RNF114: variants seen among roughly 807,000 people sequenced by gnomAD.
The protein encoded by RNF114 is ring finger protein 114, also known as E3 ubiquitin-protein ligase RNF114.
A neutral mutation model predicts 28.4 loss-of-function variants in RNF114; 6 were observed. The observed-to-expected ratio is 0.21, with a 90% CI of 0.12 to 0.42. RNF114 has a LOEUF of 0.42. RNF114 is among the 10% of genes least tolerant of loss of function. The pLI, the probability that RNF114 is intolerant of heterozygous loss-of-function variation, is 1.00. For synonymous variants in RNF114, 115 were observed against 116.7 expected (o/e 0.99, Z 0.09); for missense variants, 249 against 311.7 (o/e 0.80, Z 1.51).
At chr20:49,938,995 C>T (rs759774273) in intron 1 of RNF114, among the ~76,000 whole-genome samples, 7 of 152,164 alleles carry the variant, frequency 4.6e-5, no homozygotes, top group Non-Finnish European at 1.0e-4. Flanking sequence ...CATGGTCTAC[C>T]GCATCATGGC....
At chr20:49,951,789 G>GA (rs1398316665) in intron 5 of RNF114, among the ~76,000 whole-genome samples, 1 of 152,206 alleles carries the variant, frequency 6.6e-6, no homozygotes, top group African/African-American at 2.4e-5. Flanking sequence ...TGAGGCAGGA[G>GA]AATCACTTGA....
chr20:49,951,994 C>G, intron 5 of RNF114, 82 bp from the exon 6 acceptor site: 1 of 1,210,746 alleles, frequency 8.3e-7, no homozygotes, highest in African/African-American at 1.5e-5. Flanking sequence ...GATCCAGTTG[C>G]TAGGCTGTCC....
At chr20:49,951,941 C>G (rs2090356716) in intron 5 of RNF114, 135 bp from the exon 6 acceptor site, 2 of 639,800 alleles carry the variant, frequency 3.1e-6, no homozygotes, top group South Asian at 3.5e-5. Flanking sequence ...CCTAGCATCA[C>G]AAACAGTTGC....
chr20:49,947,226 C>T (rs867408851), intron 4 of RNF114, among the ~76,000 whole-genome samples: 2 of 50,250 alleles, frequency 4.0e-5, no homozygotes, highest in Admixed American at 1.7e-4. Flanking sequence ...CCCCCCCCCC[C>T]CCCCCCCCCC....
At chr20:49,950,047 C>T (rs1000052460) in intron 5 of RNF114, among the ~76,000 whole-genome samples, 16 of 151,542 alleles carry the variant, frequency 1.1e-4, no homozygotes, top group African/African-American at 1.9e-4. Context: ...GTCGGGGGTT[C>T]GAGACCAGCC....
intron 4 of RNF114, among the ~76,000 whole-genome samples, chr20:49,947,796 T>G (rs1468287251): frequency 8.7e-5 from 9 of 103,666 alleles, no homozygotes; most frequent in African/African-American, 3.5e-4. Context: ...TTTTTTTTTT[T>G]TTTTTTTTTT....
intron 2 of RNF114, among the ~76,000 whole-genome samples, chr20:49,942,756 A>G (rs1462000516): frequency 6.6e-6 from 1 of 151,960 alleles, no homozygotes; most frequent in Non-Finnish European, 1.5e-5. Context: ...CCCAGGAGGC[A>G]GAGGTTGCAG....
intron 1 of RNF114, among the ~76,000 whole-genome samples, chr20:49,939,883 C>T (rs1250546445): frequency 3.3e-5 from 5 of 151,718 alleles, no homozygotes; most frequent in Admixed American, 2.6e-4. Flanking sequence ...GGTGAAACCC[C>T]GTCTCTACTA....
chr20:49,936,676 C>G (rs1031450039), intron 1 of RNF114, 124 bp downstream of exon 1: 8 of 1,232,364 alleles, frequency 6.5e-6, no homozygotes, highest in African/African-American at 1.6e-5. Flanking sequence ...CGGGGGTGTC[C>G]CCCGGGGCTC....
At chr20:49,943,292 C>T (rs565226717) in intron 2 of RNF114, among the ~76,000 whole-genome samples, 1 of 152,006 alleles carries the variant, frequency 6.6e-6, no homozygotes, top group Non-Finnish European at 1.5e-5. Flanking sequence ...CCCAGGAGTT[C>T]GAAATCAGCC....
rs764103217 is a variant in RNF114 at position 49,936,462 on chromosome 20, C to T, written c.50C>T (p.Pro17Leu). Residue 17 changes from proline (P) to leucine (L), a missense_variant, in exon 1 of 6, where the codon CCG (proline) becomes CTG (leucine). Physicochemically the swap from Pro to Leu is moderately conservative, Grantham distance 98 (BLOSUM62 -3). Transcript: ENST00000244061. ...DCGGAAQLAG[P>L]AAEADPLGRF... ...GGGGGTGCTGCGCAGCTGGCGGGGC[C>T]GGCGGCGGAGGCTGACCCCCTAGGA... 3.9e-5 allele frequency: 60 copies of T among 1,549,718 alleles called. No homozygotes were observed. Among genetic ancestry groups the T allele is most frequent in the Admixed American group, 7.9e-5 (4 of 50,780 alleles).
chr20:49,947,624 A>G (rs1197830953), intron 4 of RNF114, among the ~76,000 whole-genome samples: 3 of 151,874 alleles, frequency 2.0e-5, no homozygotes, highest in Admixed American at 2.0e-4. Context: ...GGATACTGTT[A>G]TTGCTGAACT....
At chr20:49,938,400 A>C (rs946038614) in intron 1 of RNF114, among the ~76,000 whole-genome samples, 3 of 152,210 alleles carry the variant, frequency 2.0e-5, no homozygotes, top group Non-Finnish European at 2.9e-5. Flanking sequence ...CACCTCTGTG[A>C]GGGCAGCCCA....
intron 1 of RNF114, 63 bp downstream of exon 1, chr20:49,936,615 G>C (rs940234165): frequency 6.5e-7 from 1 of 1,548,166 alleles, no homozygotes; most frequent in South Asian, 1.2e-5. Context: ...GAGCCGAGGA[G>C]CGAGATGGGT....
chr20:49,949,458 C>T (rs942624451), intron 5 of RNF114, 103 bp downstream of exon 5: 9 of 967,456 alleles, frequency 9.3e-6, no homozygotes, highest in East Asian at 2.5e-5. Context: ...TGAACTTTGT[C>T]GCTGTTGTGA....
rs140686614 is a variant in RNF114, at chr20:49,945,696, C to T, written c.398+208C>T. ...TTTTTTCTTTTTTGAGACAGAGTCT[C>T]GCTCTGTTGCCCAGGCTGGTGTGCA... On this transcript the variant is annotated intron_variant, in intron 3 of 5. Transcript: ENST00000244061. 2.0e-3 allele frequency among the ~76,000 whole-genome samples: 299 copies of T among 152,240 alleles called. 2 individuals carry two copies. The highest frequency in any genetic ancestry group is 6.7e-3 in the African/African-American group (279 of 41,536).
At position 49,945,301 on chromosome 20, in the gene RNF114, C is replaced by T. The variant is rs535707456; in HGVS notation, c.292-81C>T. Reference sequence around the variant, plus strand: ...GCCAGGGTGGTGTAGGTCTAGTTTTCTTTGTGCCCTTGTTTGGGACTATAT... The same window carrying T: ...GCCAGGGTGGTGTAGGTCTAGTTTTTTTTGTGCCCTTGTTTGGGACTATAT... On this transcript the variant is annotated intron_variant, in intron 2 of 5. Transcript: ENST00000244061. 4.4e-4 allele frequency: 358 copies of T among 818,294 alleles called. 3 individuals carry two copies. Among genetic ancestry groups the T allele is most frequent in the Non-Finnish European group, 6.6e-4 (317 of 479,378 alleles). 50.7% of individuals were successfully genotyped at this position (818,294 alleles called of 1,614,324 possible).
intron 4 of RNF114, among the ~76,000 whole-genome samples, chr20:49,947,933 A>AGGTGCGCGCCACCATG (rs2090340617): frequency 6.6e-6 from 1 of 151,422 alleles, no homozygotes; most frequent in East Asian, 1.9e-4. Context: ...CTGGGACTAC[A>AGGTGCGCGCCACCATG]GGTGCGCGCC....
intron 3 of RNF114, among the ~76,000 whole-genome samples, chr20:49,945,909 G>C (rs2294599): frequency 0.35 from 53,267 of 152,014 alleles, 11,064 homozygotes; most frequent in South Asian, 0.56. Flanking sequence ...CAGGTGATCC[G>C]CCTGCTTTGG....
Sources: allele counts gnomAD v4.1 joint callset (sites outside exome capture counted in the v4.1 genomes callset), GRCh38; gene constraint gnomAD v4.1.1; transcripts MANE v1.5; gene names NCBI Gene and HGNC (gene_info 2026-07-23, HGNC 2026-07-21).